JAZF1: variants seen among roughly 807,000 people sequenced by gnomAD.
JAZF1 encodes JAZF zinc finger 1.
JAZF1 carries 8 observed loss-of-function variants against 26.4 expected under a neutral mutation model. The observed-to-expected ratio is 0.30, with a 90% confidence interval of 0.18 to 0.55. The LOEUF (loss-of-function observed/expected upper bound fraction) is 0.55, where lower values mean the gene tolerates loss of function less well. JAZF1 is among the 20% of genes least tolerant of loss of function. JAZF1 has a pLI of 0.94. For missense variants in JAZF1, 199 were observed against 322.0 expected (o/e 0.62, Z 2.92); for synonymous variants, 126 against 122.3 (o/e 1.03, Z -0.20).
At chr7:28,096,883 C>A (rs999107449) in intron 1 of JAZF1, among the ~76,000 whole-genome samples, 4 of 152,062 alleles carry the variant, frequency 2.6e-5, no homozygotes, top group African/African-American at 4.8e-5. Context: ...TGCCAAAAGA[C>A]GTTCAGTATT....
intron 1 of JAZF1, among the ~76,000 whole-genome samples, chr7:28,156,615 T>C (rs1296389279): frequency 6.6e-6 from 1 of 152,184 alleles, no homozygotes; most frequent in Non-Finnish European, 1.5e-5. Context: ...TGAAATTACC[T>C]GGGAATTTGT....
chr7:28,022,052 C>T (rs1432604435), intron 1 of JAZF1, among the ~76,000 whole-genome samples: 2 of 152,202 alleles, frequency 1.3e-5, no homozygotes, highest in Admixed American at 6.5e-5. Context: ...AAGATAACTG[C>T]TATGAGAGCC....
intron 1 of JAZF1, among the ~76,000 whole-genome samples, chr7:28,156,186 G>A (rs1006337296): frequency 2.6e-5 from 4 of 152,166 alleles, no homozygotes; most frequent in Non-Finnish European, 5.9e-5. Flanking sequence ...AGGTTCTCTT[G>A]GCTCTGTTTA....
At chr7:27,913,465 A>G (rs1784396054) in intron 2 of JAZF1, 2 of 403,852 alleles carry the variant, frequency 5.0e-6, no homozygotes, top group African/African-American at 2.2e-5. Context: ...TGTGGGCGGA[A>G]GAGGGTGGGG....
chr7:28,102,007 C>T (rs1397304295), intron 1 of JAZF1, among the ~76,000 whole-genome samples: 3 of 152,040 alleles, frequency 2.0e-5, no homozygotes, highest in Admixed American at 6.6e-5. Context: ...ATAAATGGTG[C>T]CTCATCAGAC....
chr7:28,052,744 T>C (rs949730022), intron 1 of JAZF1, among the ~76,000 whole-genome samples: 1 of 151,984 alleles, frequency 6.6e-6, no homozygotes, highest in African/African-American at 2.4e-5. Flanking sequence ...AGAATCCTAG[T>C]TTTAGAATAT....
intron 1 of JAZF1, among the ~76,000 whole-genome samples, chr7:28,113,099 G>A (rs1366599713): frequency 1.3e-5 from 2 of 152,312 alleles, no homozygotes; most frequent in East Asian, 1.9e-4. Context: ...GGCATTCAGA[G>A]ATGACACAGC....
chr7:28,157,540 T>G (rs921710400), intron 1 of JAZF1, among the ~76,000 whole-genome samples: 8 of 152,204 alleles, frequency 5.3e-5, no homozygotes, highest in African/African-American at 1.9e-4. Flanking sequence ...ATTCTTAGTA[T>G]GCGGGCTGTA....
chr7:27,980,254 T>C (rs1785554744), intron 2 of JAZF1, among the ~76,000 whole-genome samples: 1 of 152,168 alleles, frequency 6.6e-6, no homozygotes, highest in Non-Finnish European at 1.5e-5. Flanking sequence ...TTTTCACAGG[T>C]ATACTGTGGG....
intron 2 of JAZF1, among the ~76,000 whole-genome samples, chr7:27,974,318 A>G (rs141440085): frequency 1.1e-3 from 171 of 152,336 alleles, no homozygotes; most frequent in African/African-American, 3.8e-3. Context: ...GACGAAACTT[A>G]GGGAGAGGCC....
intron 1 of JAZF1, among the ~76,000 whole-genome samples, chr7:28,160,794 T>A (rs1410383049): frequency 6.6e-6 from 1 of 152,240 alleles, no homozygotes; most frequent in Non-Finnish European, 1.5e-5. Flanking sequence ...ACAGGCTTTC[T>A]AAAATTATCA....
chr7:28,045,947 A>G (rs1783489195), intron 1 of JAZF1, among the ~76,000 whole-genome samples: 2 of 152,224 alleles, frequency 1.3e-5, no homozygotes, highest in African/African-American at 4.8e-5. Context: ...ATTTTTAAAA[A>G]GTGGAAAACC....
intron 1 of JAZF1, among the ~76,000 whole-genome samples, chr7:28,019,981 T>A (rs900428801): frequency 6.6e-6 from 1 of 152,142 alleles, no homozygotes; most frequent in Non-Finnish European, 1.5e-5. Flanking sequence ...TACCTCTTTC[T>A]GAGGGCTACA....
intron 1 of JAZF1, among the ~76,000 whole-genome samples, chr7:28,154,592 A>C (rs1042435896): frequency 5.3e-5 from 8 of 152,166 alleles, no homozygotes; most frequent in African/African-American, 1.9e-4. Flanking sequence ...CAGGTGAAAA[A>C]GGAATTCCAC....
chr7:27,898,782 G>A (rs1323594195), intron 2 of JAZF1, among the ~76,000 whole-genome samples: 1 of 152,094 alleles, frequency 6.6e-6, no homozygotes, highest in African/African-American at 2.4e-5. Flanking sequence ...CATGTTAAAA[G>A]CATTAAACAT....
Position 27,895,367 on chromosome 7 carries a change from T to C in JAZF1, c.238A>G (p.Ile80Val). 6.2e-7 allele frequency: 1 copy of C among 1,608,102 alleles called. No individual in the cohort carries two copies. Residue 80 changes from isoleucine (I) to valine (V), a missense_variant, in exon 3 of 5, where the codon ATT becomes GTT. By Grantham distance (29) the Ile-to-Val change is conservative (BLOSUM62 3). This residue lies in a region of JAZF1 where 137 missense variants were observed against 184.8 expected (regional missense o/e 0.74). Transcript: ENST00000283928. Reference sequence around the variant, plus strand: ...AGAGTCAGCGAGAGCTTCGGCTGAATCTTCTTCTTTAGGGACTCCTGCTCT... The same window carrying C: ...AGAGTCAGCGAGAGCTTCGGCTGAACCTTCTTCTTTAGGGACTCCTGCTCT... Reference protein sequence around the residue: ...RREQESLKKKIQPKLSLTLSS... With the variant: ...RREQESLKKKVQPKLSLTLSS...
At chr7:27,958,474 C>T (rs1009872996) in intron 2 of JAZF1, among the ~76,000 whole-genome samples, 3 of 152,150 alleles carry the variant, frequency 2.0e-5, no homozygotes, top group Non-Finnish European at 4.4e-5. Flanking sequence ...CACATGGAAA[C>T]CTTGACAGCA....
chr7:27,871,065 C>A (rs182919123), intron 3 of JAZF1, among the ~76,000 whole-genome samples: 1 of 152,206 alleles, frequency 6.6e-6, no homozygotes, highest in Non-Finnish European at 1.5e-5. Flanking sequence ...TCTCTTAAAC[C>A]GTCATTGTAA....
chr7:28,032,420 C>G (rs767472039), intron 1 of JAZF1, among the ~76,000 whole-genome samples: 1 of 152,140 alleles, frequency 6.6e-6, no homozygotes, highest in African/African-American at 2.4e-5. Flanking sequence ...AGGATAAATA[C>G]ATCTTATAGT....
Sources: allele counts gnomAD v4.1 joint callset (sites outside exome capture counted in the v4.1 genomes callset), GRCh38; gene constraint gnomAD v4.1.1; regional missense constraint gnomAD v4.1.1; transcripts MANE v1.5; gene names NCBI Gene and HGNC (gene_info 2026-07-23, HGNC 2026-07-21).